ZFPM2: variants seen among roughly 807,000 people sequenced by gnomAD.
The protein encoded by ZFPM2 is zinc finger protein, FOG family member 2, also known as zinc finger protein ZFPM2.
A neutral mutation model predicts 98.6 loss-of-function variants in ZFPM2; 20 were observed. That is an observed-to-expected ratio of 0.20 (90% CI 0.14 to 0.29). ZFPM2 has a LOEUF of 0.29. Ranked by LOEUF, ZFPM2 falls within the 10% of genes least tolerant of loss-of-function variation. The pLI, the probability that ZFPM2 is intolerant of heterozygous loss-of-function variation, is 1.00. For synonymous variants in ZFPM2, 518 were observed against 502.7 expected (o/e 1.03, Z -0.41); for missense variants, 1,310 against 1,388.6 (o/e 0.94, Z 0.90).
At chr8:105,478,550 T>A (rs1813055657) in intron 3 of ZFPM2, among the ~76,000 whole-genome samples, 1 of 152,182 alleles carries the variant, frequency 6.6e-6, no homozygotes, top group Non-Finnish European at 1.5e-5. Flanking sequence ...CCGGGTGGGC[T>A]GGGAGCAGGG....
chr8:105,658,821 C>A (rs1305935410), intron 5 of ZFPM2, among the ~76,000 whole-genome samples: 1 of 152,116 alleles, frequency 6.6e-6, no homozygotes, highest in Admixed American at 6.6e-5. Flanking sequence ...ATAGAGCTAT[C>A]TTAAAAGTAC....
chr8:105,492,499 A>G (rs1813376098), intron 3 of ZFPM2, among the ~76,000 whole-genome samples: 1 of 152,156 alleles, frequency 6.6e-6, no homozygotes, highest in Non-Finnish European at 1.5e-5. Context: ...AGATACATAT[A>G]TTGCTTCTTG....
At chr8:105,570,110 T>C in intron 4 of ZFPM2, among the ~76,000 whole-genome samples, 1 of 152,084 alleles carries the variant, frequency 6.6e-6, no homozygotes, top group Non-Finnish European at 1.5e-5. Flanking sequence ...GGTTGTAGAT[T>C]TGTCCCTTAG....
At chr8:105,326,060 C>T (rs1222870347) in intron 1 of ZFPM2, among the ~76,000 whole-genome samples, 12 of 151,546 alleles carry the variant, frequency 7.9e-5, no homozygotes, top group East Asian at 1.9e-4. Flanking sequence ...CCTATGTCTA[C>T]GGTGAGAGAG....
At chr8:105,503,816 T>G (rs1251252301) in intron 3 of ZFPM2, among the ~76,000 whole-genome samples, 1 of 152,216 alleles carries the variant, frequency 6.6e-6, no homozygotes, top group Non-Finnish European at 1.5e-5. Flanking sequence ...AGTGTTTTTA[T>G]TATAACTGAC....
At chr8:105,345,707 A>G (rs925650987) in intron 1 of ZFPM2, among the ~76,000 whole-genome samples, 5 of 152,054 alleles carry the variant, frequency 3.3e-5, no homozygotes, top group African/African-American at 1.2e-4. Flanking sequence ...ATGTGTCTCT[A>G]TTGTTAAGAT....
Position 105,803,287 on chromosome 8 carries a change from C to A in ZFPM2, c.3205C>A (p.His1069Asn). Residue 1069 changes from histidine (H) to asparagine (N), a missense_variant, in exon 8 of 8, where the codon CAC becomes AAC. By Grantham distance (68) the His-to-Asn change is moderately conservative. Transcript: ENST00000407775. ...QQENISQNPQ[H>N]EDDHKSPSWI... is the part of the protein sequence containing the mutation. ...AGAGAACATTTCCCAGAATCCTCAG[C>A]ACGAAGACGACCACAAATCTCCCTC... is the stretch of plus-strand genomic sequence containing the variant. 6.3e-7 allele frequency: 1 copy of A among 1,594,676 alleles called. No homozygotes were observed. Among genetic ancestry groups the A allele is most frequent in the Non-Finnish European group, 8.5e-7 (1 of 1,169,990 alleles).
chr8:105,394,111 T>A (rs1811173513), intron 1 of ZFPM2, among the ~76,000 whole-genome samples: 1 of 152,082 alleles, frequency 6.6e-6, no homozygotes, highest in Non-Finnish European at 1.5e-5. Flanking sequence ...GCCAGGATGG[T>A]CTCTATCTCC....
At chr8:105,438,336 G>A (rs1225888412) in intron 2 of ZFPM2, among the ~76,000 whole-genome samples, 2 of 152,158 alleles carry the variant, frequency 1.3e-5, no homozygotes, top group Admixed American at 6.5e-5. Flanking sequence ...GTAGTCATTT[G>A]TTTTGTATTC....
chr8:105,701,031 T>C (rs1423358470), intron 5 of ZFPM2, among the ~76,000 whole-genome samples: 1 of 152,248 alleles, frequency 6.6e-6, no homozygotes. Context: ...GGTATTTTTG[T>C]TGGGATAATT....
intron 5 of ZFPM2, among the ~76,000 whole-genome samples, chr8:105,634,947 C>A (rs1367727910): frequency 6.6e-6 from 1 of 152,152 alleles, no homozygotes; most frequent in Non-Finnish European, 1.5e-5. Flanking sequence ...CAGACTGTGT[C>A]ATGTAGCTGC....
At position 105,339,976 on chromosome 8, in the gene ZFPM2, T is replaced by C. The variant is rs573233416; in HGVS notation, c.40+20995T>C. Reference sequence around the variant, plus strand: ...ATAGGGTTAACTTAAGGTCTGTTGTTACAGGATTTGAAAATATTGTATTTT... The same window carrying C: ...ATAGGGTTAACTTAAGGTCTGTTGTCACAGGATTTGAAAATATTGTATTTT... On this transcript the variant is annotated intron_variant, in intron 1 of 7. Coordinates refer to ENST00000407775, the MANE Select transcript of ZFPM2 (RefSeq NM_012082.4). Among the ~76,000 whole-genome samples the C allele has an allele frequency of 7.2e-5, 11 of 152,064 alleles. No individual in the cohort carries two copies. The South Asian group carries it at 2.3e-3, about 32-fold the overall frequency.
intron 5 of ZFPM2, among the ~76,000 whole-genome samples, chr8:105,718,594 T>C (rs1811580908): frequency 6.6e-6 from 1 of 152,008 alleles, no homozygotes; most frequent in African/African-American, 2.4e-5. Context: ...TTATCATAAA[T>C]TTGTAATTCC....
At chr8:105,783,443 G>C (rs1813318978) in intron 5 of ZFPM2, among the ~76,000 whole-genome samples, 1 of 151,848 alleles carries the variant, frequency 6.6e-6, no homozygotes, top group African/African-American at 2.4e-5. Context: ...CAAGTGTATA[G>C]TTCAGTGGCA....
chr8:105,524,540 T>C (rs1322536576), intron 3 of ZFPM2, among the ~76,000 whole-genome samples: 1 of 152,068 alleles, frequency 6.6e-6, no homozygotes, highest in Non-Finnish European at 1.5e-5. Flanking sequence ...AATTTTAGCA[T>C]TGAAAAATGT....
chr8:105,664,247 A>G (rs1427402820), intron 5 of ZFPM2, among the ~76,000 whole-genome samples: 1 of 152,068 alleles, frequency 6.6e-6, no homozygotes. Context: ...AGATCTTGCA[A>G]ATGCTAACAC....
At chr8:105,574,103 TTTCTC>T (rs1815412362) in intron 4 of ZFPM2, among the ~76,000 whole-genome samples, 1 of 152,212 alleles carries the variant, frequency 6.6e-6, no homozygotes, top group Admixed American at 6.5e-5. Flanking sequence ...CATCTAGTCT[TTTCTC>T]TTCTGTTCTC....
At chr8:105,560,866 G>A (rs1208576804) in intron 3 of ZFPM2, among the ~76,000 whole-genome samples, 1 of 152,030 alleles carries the variant, frequency 6.6e-6, no homozygotes, top group African/African-American at 2.4e-5. Flanking sequence ...TTTTTTATTT[G>A]AAAAACATGC....
At chr8:105,713,060 A>G (rs1258346040) in intron 5 of ZFPM2, among the ~76,000 whole-genome samples, 2 of 152,192 alleles carry the variant, frequency 1.3e-5, no homozygotes, top group Non-Finnish European at 2.9e-5. Context: ...CAGTAATAGG[A>G]TTGCTGGGTT....
Sources: allele counts gnomAD v4.1 joint callset (sites outside exome capture counted in the v4.1 genomes callset), GRCh38; gene constraint gnomAD v4.1.1; transcripts MANE v1.5; gene names NCBI Gene and HGNC (gene_info 2026-07-23, HGNC 2026-07-21).